The following MORN5 variants were observed in gnomAD, a reference collection of about 807,000 sequenced individuals.
MORN5 encodes MORN repeat-containing protein 5.
Under a neutral mutation model 22.1 loss-of-function variants are expected in MORN5, and 21 were observed. The ratio of observed to expected loss-of-function variants is 0.95; its 90% CI spans 0.67 to 1.37. The LOEUF is 1.37. MORN5 is among the 40% of genes most tolerant of loss of function. The pLI, the probability that MORN5 is intolerant of heterozygous loss-of-function variation, is 0.00. For synonymous variants in MORN5, 73 were observed against 74.0 expected, an observed-to-expected ratio of 0.99 and a Z score of 0.07; for missense variants, 211 against 215.1, an observed-to-expected ratio of 0.98 and a Z score of 0.12.
At chr9:122,167,447 G>A (rs898574453) in intron 2 of MORN5, among the ~76,000 whole-genome samples, 1 of 146,232 alleles carries the variant, frequency 6.8e-6, no homozygotes, top group Non-Finnish European at 1.5e-5. Context: ...CTGCCTCCTG[G>A]GTTCAAGCTA....
intron 4 of MORN5, among the ~76,000 whole-genome samples, chr9:122,191,152 C>T (rs779720623): frequency 1.1e-4 from 17 of 152,172 alleles, no homozygotes; most frequent in Admixed American, 3.3e-4. Flanking sequence ...GCTCTCTGCA[C>T]GTGATGACAC....
At chr9:122,176,554 C>T (rs185274241) in intron 4 of MORN5, among the ~76,000 whole-genome samples, 47 of 152,222 alleles carry the variant, frequency 3.1e-4, no homozygotes, top group African/African-American at 9.9e-4. Context: ...AGGAACTCTG[C>T]GTTATCTTGT....
At chr9:122,160,678 G>T (rs1440385044) in intron 1 of MORN5, among the ~76,000 whole-genome samples, 1 of 151,660 alleles carries the variant, frequency 6.6e-6, no homozygotes, top group African/African-American at 2.4e-5. Context: ...GCAGTGGCCT[G>T]TTCACTGCTT....
intron 4 of MORN5, among the ~76,000 whole-genome samples, chr9:122,186,720 G>A (rs1177088168): frequency 6.6e-6 from 1 of 152,150 alleles, no homozygotes; most frequent in Non-Finnish European, 1.5e-5. Flanking sequence ...CCTCCTGGAG[G>A]CATTCGAAGG....
chr9:122,199,927 G>A lies in MORN5; in HGVS notation c.482G>A (p.Gly161Asp), dbSNP rs1308185934. Reference sequence around the variant, plus strand: ...TGGATCACCCGTACCTGTCGAAAGGGCTAGGATGAGATCGTGGGTCACAGG... The same window carrying A: ...TGGATCACCCGTACCTGTCGAAAGGACTAGGATGAGATCGTGGGTCACAGG... The part of the protein sequence containing the change: ...HEWITRTCRK[G>D] The change falls in exon 5 of 5, where the codon GGC becomes GAC. Residue 161 changes from glycine to aspartate, a missense_variant. Transcript: ENST00000373764. 6.2e-7 allele frequency: 1 copy of A among 1,613,908 alleles called. No homozygotes were observed. The highest frequency in any genetic ancestry group is 1.3e-5 in the African/African-American group (1 of 74,912).
At chr9:122,196,259 A>T (rs1316080577) in intron 4 of MORN5, among the ~76,000 whole-genome samples, 2 of 152,092 alleles carry the variant, frequency 1.3e-5, no homozygotes. Flanking sequence ...ACGCCCAGCC[A>T]AAATATCTTA....
At chr9:122,185,308 C>T (rs11790677) in intron 4 of MORN5, among the ~76,000 whole-genome samples, 199 of 139,532 alleles carry the variant, frequency 1.4e-3, no homozygotes, top group Middle Eastern at 4.2e-3. Context: ...CTGCAAGCTC[C>T]GCCTCCCGGG....
intron 4 of MORN5, chr9:122,175,357 C>T (rs116443876): frequency 1.7e-6 from 1 of 594,280 alleles, no homozygotes; most frequent in African/African-American, 2.0e-5. Context: ...GGAGTAGGTA[C>T]CTTGGAGGAT....
chr9:122,184,496 A>T (rs1477287026), intron 4 of MORN5, among the ~76,000 whole-genome samples: 5 of 152,222 alleles, frequency 3.3e-5, no homozygotes, highest in African/African-American at 1.2e-4. Flanking sequence ...ATTAAATAAC[A>T]TATAGTTTAT....
chr9:122,186,055 G>A (rs1829628235), intron 4 of MORN5, among the ~76,000 whole-genome samples: 1 of 152,214 alleles, frequency 6.6e-6, no homozygotes, highest in Admixed American at 6.5e-5. Flanking sequence ...TGAAGGCTTT[G>A]TGGAGGGATA....
intron 4 of MORN5, among the ~76,000 whole-genome samples, chr9:122,187,918 T>G (rs1285464815): frequency 6.6e-6 from 1 of 151,982 alleles, no homozygotes; most frequent in Non-Finnish European, 1.5e-5. Flanking sequence ...CCTAAAAGGA[T>G]GAGAGGTGGA....
chr9:122,164,724 A>C, intron 1 of MORN5: 1 of 641,692 alleles, frequency 1.6e-6, no homozygotes, highest in Non-Finnish European at 1.9e-6. Flanking sequence ...GAAATGATAG[A>C]TGTGAGCTCA....
At chr9:122,167,188 CG>C (rs558555696) in intron 2 of MORN5, among the ~76,000 whole-genome samples, 3,436 of 151,116 alleles carry the variant, frequency 0.023, 48 homozygotes, top group Middle Eastern at 0.038. Flanking sequence ...GCTGGGACTA[CG>C]GGCGTGCACC....
At chr9:122,196,318 T>C (rs1050326143) in intron 4 of MORN5, among the ~76,000 whole-genome samples, 8 of 143,844 alleles carry the variant, frequency 5.6e-5, no homozygotes, top group African/African-American at 1.6e-4. Flanking sequence ...CATTGGAGGG[T>C]AGGAAAAAAG....
At chr9:122,174,231 C>T (rs1390498861) in intron 3 of MORN5, among the ~76,000 whole-genome samples, 4 of 152,076 alleles carry the variant, frequency 2.6e-5, no homozygotes, top group Non-Finnish European at 2.9e-5. Context: ...TCATGGTATC[C>T]GAAGAAATGG....
chr9:122,168,879 G>A (rs1040757002), intron 2 of MORN5, among the ~76,000 whole-genome samples: 3 of 152,116 alleles, frequency 2.0e-5, no homozygotes, highest in African/African-American at 7.2e-5. Flanking sequence ...AGGCTAAGAA[G>A]CCTCCCAATC....
At position 122,197,109 on chromosome 9, in the gene MORN5, T is replaced by C. The variant is rs1829909814; in HGVS notation, c.440-2776T>C. On this transcript the variant is annotated intron_variant, in intron 4 of 4. Transcript: ENST00000373764. This position sits in a 1 kb window ranked among gnomAD's most constrained non-coding sequence, Gnocchi z 5.7. ...AAATAGATTATCCCTTTAAGAATAG[T>C]GTCCCAGAGTGGAATTACCGGGCCA... Among the ~76,000 whole-genome samples, 1 of 152,218 alleles carries C rather than the reference T, an allele frequency of 6.6e-6. No individual in the cohort carries two copies. The highest frequency in any genetic ancestry group is 2.4e-5 in the African/African-American group (1 of 41,450).
Position 122,180,833 on chromosome 9 carries a change from C to G in MORN5, c.439+6206C>G, listed in dbSNP as rs180734029. On this transcript the variant is annotated intron_variant, in intron 4 of 4. Coordinates refer to ENST00000373764, the MANE Select transcript of MORN5 (RefSeq NM_198469.4). ...AGTATCTTTATTAGCCTATCTCCCC[C>G]ACAAGTCTGGGAGCAGCTTGAGGGC... 6.6e-5 allele frequency among the ~76,000 whole-genome samples: 10 copies of G among 152,302 alleles called. 1 individual carries two copies. In the South Asian group the frequency reaches 1.7e-3, roughly 25 times the overall value.
intron 4 of MORN5, among the ~76,000 whole-genome samples, chr9:122,192,860 T>G (rs1199576611): frequency 1.3e-5 from 2 of 152,202 alleles, no homozygotes; most frequent in East Asian, 3.8e-4. Flanking sequence ...GGGGAAGAAA[T>G]TCCTCCCCCT....
Sources: gnomAD v4.1 joint callset for allele counts (sites outside exome capture counted in the v4.1 genomes callset) on GRCh38, gnomAD v4.1.1 for gene constraint, Gnocchi (gnomAD v3.1) non-coding constraint, MANE v1.5 for transcripts, NCBI Gene and HGNC (gene_info 2026-07-23, HGNC 2026-07-21) for gene names.